TAF4: variants seen among roughly 807,000 people sequenced by gnomAD.
The protein encoded by TAF4 is transcription initiation factor TFIID subunit 4.
A neutral mutation model predicts 90.3 loss-of-function variants in TAF4; 9 were observed. The observed-to-expected ratio is 0.10, with a 90% confidence interval of 0.06 to 0.17. The LOEUF (loss-of-function observed/expected upper bound fraction) is 0.17, where lower values mean the gene tolerates loss of function less well. TAF4 is among the 10% of genes least tolerant of loss of function. TAF4 has a pLI of 1.00. For synonymous variants in TAF4, 818 were observed against 638.9 expected, an observed-to-expected ratio of 1.28 and a Z score of -4.23; for missense variants, 1,351 against 1,370.7, an observed-to-expected ratio of 0.99 and a Z score of 0.23.
At chr20:61,995,492 A>C (rs6089591) in intron 14 of TAF4, among the ~76,000 whole-genome samples, 92,832 of 152,076 alleles carry the variant, frequency 0.61, 28,677 homozygotes, top group Middle Eastern at 0.76. Context: ...ACAGGCTCAA[A>C]GACCTGCAGG....
At position 62,062,521 on chromosome 20, in the gene TAF4, G is replaced by C. The variant is rs146275261; in HGVS notation, c.1360+1930C>G. On this transcript the variant is annotated intron_variant, in intron 1 of 14. Transcript: ENST00000252996. ...AAATCTCTCACTTTTTTAGATAGTA[G>C]CATTCGGCTCCTTGAAAGCACCGCT... is the stretch of plus-strand genomic sequence containing the variant. 7.4e-4 allele frequency among the ~76,000 whole-genome samples: 113 copies of C among 152,172 alleles called. 1 individual carries two copies. The highest frequency in any genetic ancestry group is 2.5e-3 in the African/African-American group (102 of 41,530).
intron 1 of TAF4, among the ~76,000 whole-genome samples, chr20:62,059,262 T>C (rs1436109324): frequency 6.6e-6 from 1 of 152,208 alleles, no homozygotes; most frequent in East Asian, 1.9e-4. Context: ...CCAGGTACTT[T>C]CTCAAATGGG....
At chr20:62,013,546 C>T (rs2055791942) in intron 2 of TAF4, among the ~76,000 whole-genome samples, 1 of 152,258 alleles carries the variant, frequency 6.6e-6, no homozygotes, top group African/African-American at 2.4e-5. Context: ...TGTGCTACTT[C>T]AGATCTGGGT....
chr20:62,043,742 G>A (rs926765681), intron 1 of TAF4, among the ~76,000 whole-genome samples: 3 of 152,210 alleles, frequency 2.0e-5, no homozygotes, highest in African/African-American at 7.2e-5. Context: ...GGAGCCAGGG[G>A]CCGCACCACA....
intron 1 of TAF4, among the ~76,000 whole-genome samples, chr20:62,056,976 A>G (rs1018047246): frequency 6.6e-6 from 1 of 152,220 alleles, no homozygotes; most frequent in African/African-American, 2.4e-5. Context: ...AAAGCAAGGC[A>G]GGCCTGTGCG....
chr20:62,047,935 A>G (rs780037312), intron 1 of TAF4, among the ~76,000 whole-genome samples: 1 of 152,208 alleles, frequency 6.6e-6, no homozygotes, highest in Non-Finnish European at 1.5e-5. Context: ...GCTGCCTGAC[A>G]CCGGCAACCC....
intron 14 of TAF4, among the ~76,000 whole-genome samples, chr20:61,994,094 A>T (rs1463648113): frequency 7.9e-6 from 1 of 126,986 alleles, no homozygotes; most frequent in African/African-American, 2.9e-5. Context: ...GTTAACCATA[A>T]AAGAAATCCA....
intron 14 of TAF4, among the ~76,000 whole-genome samples, chr20:61,991,067 A>C (rs895887402): frequency 1.3e-5 from 2 of 152,198 alleles, no homozygotes; most frequent in African/African-American, 4.8e-5. Flanking sequence ...GTAAACAGCA[A>C]ATCACGCCTT....
In TAF4 at chr20:61,975,480, A is replaced by G. The variant is rs147000978; in HGVS notation, c.*688T>C. 2,362 of 152,420 alleles carry G rather than the reference A, an allele frequency of 0.015. 35 individuals are homozygous for G. The highest frequency in any genetic ancestry group is 0.048 in the Middle Eastern group (14 of 294). The allele number at this position is 152,420 out of a possible 1,614,324, so 9.4% of individuals were successfully genotyped here. On this transcript the variant is annotated 3_prime_UTR_variant, in exon 15 of 15. Transcript: ENST00000252996. Reference sequence around the variant, plus strand: ...ATCTCTTTTAACTTTACAGCTTTACAAACTATAGCAAATAAAATGCATTTG... The same window carrying G: ...ATCTCTTTTAACTTTACAGCTTTACGAACTATAGCAAATAAAATGCATTTG...
At chr20:61,993,254 A>G (rs987153720) in intron 14 of TAF4, among the ~76,000 whole-genome samples, 1 of 152,188 alleles carries the variant, frequency 6.6e-6, no homozygotes, top group African/African-American at 2.4e-5. Flanking sequence ...CACAGCCCAG[A>G]CCCGTGTCCT....
At position 62,065,819 on chromosome 20, in the gene TAF4, C is replaced by G. The variant is rs746810941; in HGVS notation, c.-9G>C. The G allele has an allele frequency of 3.7e-5, 47 of 1,282,708 alleles. No individual in the cohort carries two copies. Among genetic ancestry groups the G allele is most frequent in the African/African-American group, 4.8e-5 (3 of 62,300 alleles). 79.5% of individuals were successfully genotyped at this position (1,282,708 alleles called of 1,614,324 possible). A position where few individuals can be genotyped will look rare whatever the true frequency, so the allele number is the denominator to read the frequency against. On this transcript the variant is annotated 5_prime_UTR_variant, in exon 1 of 15. Transcript: ENST00000252996. ...TCCGAGCCCGCCGCCATCTTTTTTC[C>G]TCGGCCGCCGCCGCCGCCGCCGCTC...
intron 14 of TAF4, among the ~76,000 whole-genome samples, chr20:61,978,518 CGCGAGACCAACCAAGGCCGGGG>C (rs1568918990): frequency 2.9e-5 from 4 of 136,766 alleles, no homozygotes; most frequent in Non-Finnish European, 4.7e-5. Flanking sequence ...CAAGGGAGGG[CGCGAGACCAACCAAGGCCGGGG>C]GCGAGACCAA....
rs1252900699 is a variant in TAF4 at position 61,997,669 on chromosome 20, T to G, written c.2971A>C (p.Met991Leu). ...ATTTGTGCCAGTTCCTGTTGCTGCA[T>G]CTTTTATTTTGAAAAGGAGACAAGG... Reference protein sequence around the residue: ...QLRLKQKAKEMQQQELAQMRQ... With the variant: ...QLRLKQKAKELQQQELAQMRQ... The change falls in exon 14 of 15, where the codon ATG (methionine) becomes CTG (leucine). Residue 991 changes from methionine to leucine, a missense_variant and splice_region_variant. Physicochemically the swap from Met to Leu is conservative, Grantham distance 15. Coordinates refer to ENST00000252996, the MANE Select transcript of TAF4 (RefSeq NM_003185.4). 1 of 1,610,100 alleles carries G rather than the reference T, an allele frequency of 6.2e-7. No individual in the cohort carries two copies. The highest frequency in any genetic ancestry group is 2.2e-5 in the East Asian group (1 of 44,800).
At chr20:61,991,249 T>C (rs1409607144) in intron 14 of TAF4, among the ~76,000 whole-genome samples, 1 of 151,556 alleles carries the variant, frequency 6.6e-6, no homozygotes, top group Non-Finnish European at 1.5e-5. Context: ...TGAAACCCTG[T>C]CTCTACTAAA....
intron 1 of TAF4, among the ~76,000 whole-genome samples, chr20:62,045,659 C>T (rs921221303): frequency 7.9e-5 from 12 of 152,320 alleles, no homozygotes; most frequent in Non-Finnish European, 1.2e-4. Flanking sequence ...AGAAAACTGC[C>T]TTGTTTGTGA....
chr20:62,057,461 G>C (rs1013784305), intron 1 of TAF4, among the ~76,000 whole-genome samples: 2 of 152,198 alleles, frequency 1.3e-5, no homozygotes, highest in African/African-American at 4.8e-5. Context: ...CTGACTATTC[G>C]GAAATGGTCC....
At chr20:62,063,895 C>T (rs750040637) in intron 1 of TAF4, among the ~76,000 whole-genome samples, 1 of 152,240 alleles carries the variant, frequency 6.6e-6, no homozygotes, top group Non-Finnish European at 1.5e-5. Flanking sequence ...GTTCCCGAGC[C>T]TCAAGGAGGG....
chr20:62,011,021 T>C (rs551195443), intron 3 of TAF4, among the ~76,000 whole-genome samples: 2 of 152,288 alleles, frequency 1.3e-5, no homozygotes, highest in Admixed American at 6.5e-5. Context: ...AGTGTAAGCC[T>C]GAGAATGGCT....
At chr20:62,007,921 C>A in intron 5 of TAF4, 1 of 302,784 alleles carries the variant, frequency 3.3e-6, no homozygotes, top group East Asian at 8.8e-5. Context: ...CCAGTCTTTA[C>A]TCAGTGCTTA....
Sources: gnomAD v4.1 joint callset for allele counts (sites outside exome capture counted in the v4.1 genomes callset) on GRCh38, gnomAD v4.1.1 for gene constraint, MANE v1.5 for transcripts, NCBI Gene and HGNC (gene_info 2026-07-23, HGNC 2026-07-21) for gene names.